Variants in ABAT observed in about 807,000 individuals in gnomAD.
ABAT encodes 4-aminobutyrate aminotransferase, mitochondrial.
A neutral mutation model predicts 64.6 loss-of-function variants in ABAT; 45 were observed. The ratio of observed to expected loss-of-function variants is 0.70; its 90% confidence interval spans 0.55 to 0.89. ABAT has a LOEUF of 0.89. Among genes scored for constraint, ABAT ranks in the 40% least tolerant of loss-of-function variants. The pLI, the probability that ABAT is intolerant of heterozygous loss-of-function variation, is 0.00. For missense variants in ABAT, 633 were observed against 658.4 expected (o/e 0.96, Z 0.42); for synonymous variants, 297 against 250.5 (o/e 1.19, Z -1.75).
At chr16:8,683,085 G>C (rs1288895756) in intron 1 of ABAT, among the ~76,000 whole-genome samples, 5 of 152,170 alleles carry the variant, frequency 3.3e-5, no homozygotes, top group African/African-American at 1.2e-4. Context: ...ACCTTTGCCT[G>C]ACGTTATCTC....
chr16:8,769,423 G>T (rs2060037928), intron 11 of ABAT, among the ~76,000 whole-genome samples: 1 of 152,052 alleles, frequency 6.6e-6, no homozygotes, highest in South Asian at 2.1e-4. Flanking sequence ...GCTGGGTGTG[G>T]TGGCACATGC....
intron 9 of ABAT, among the ~76,000 whole-genome samples, chr16:8,767,041 C>A (rs1402201104): frequency 6.6e-6 from 1 of 152,128 alleles, no homozygotes; most frequent in East Asian, 1.9e-4. Flanking sequence ...AGGGTTTTTC[C>A]CAGAGGTCTC....
intron 2 of ABAT, among the ~76,000 whole-genome samples, 192 bp from the exon 3 acceptor site, chr16:8,745,809 T>C (rs1449434078): frequency 6.6e-6 from 1 of 152,226 alleles, no homozygotes; most frequent in Non-Finnish European, 1.5e-5. Context: ...GGGTTTTCCC[T>C]TTTTTAAAAT....
At chr16:8,735,667 G>A (rs1425771927) in intron 1 of ABAT, 32 bp from the exon 2 acceptor site, 1 of 1,533,440 alleles carries the variant, frequency 6.5e-7, no homozygotes, top group Non-Finnish European at 8.8e-7. Context: ...TGGTCTTCAT[G>A]GGCCTAAGTC....
At chr16:8,692,530 C>G (rs1455108986) in intron 1 of ABAT, among the ~76,000 whole-genome samples, 1 of 152,106 alleles carries the variant, frequency 6.6e-6, no homozygotes, top group Admixed American at 6.6e-5. Context: ...AGACTCATAC[C>G]TTTTTTGCTA....
chr16:8,759,767 C>T (rs941491029), intron 6 of ABAT, among the ~76,000 whole-genome samples: 2 of 152,192 alleles, frequency 1.3e-5, no homozygotes, highest in Admixed American at 1.3e-4. Flanking sequence ...TGGTCTCGAA[C>T]TCCTGGGCTC....
At chr16:8,702,641 C>A (rs1244096961) in intron 1 of ABAT, among the ~76,000 whole-genome samples, 3 of 152,158 alleles carry the variant, frequency 2.0e-5, no homozygotes, top group African/African-American at 7.2e-5. Context: ...GAGAAGCCCA[C>A]CCCCATGATC....
At chr16:8,715,351 C>G (rs2058183598) in intron 1 of ABAT, 1 of 152,124 alleles carries the variant, frequency 6.6e-6, no homozygotes, top group Non-Finnish European at 1.5e-5. Context: ...GGCTCAGTGG[C>G]TCATACCTGT....
intron 1 of ABAT, among the ~76,000 whole-genome samples, chr16:8,693,501 C>T (rs2057632459): frequency 6.6e-6 from 1 of 152,206 alleles, no homozygotes; most frequent in African/African-American, 2.4e-5. Flanking sequence ...CTGAGTGTCG[C>T]TCTGTCACCC....
intron 1 of ABAT, among the ~76,000 whole-genome samples, chr16:8,723,906 T>C (rs985375755): frequency 7.2e-6 from 1 of 139,474 alleles, no homozygotes; most frequent in South Asian, 2.4e-4. Context: ...AGTGGCATGA[T>C]CTAGGCTCAC....
Position 8,768,847 on chromosome 16 carries a change from T to C in ABAT, c.690T>C (p.Ser230=). The change falls in exon 11 of 16, where the codon TCT becomes TCC. Residue 230 remains serine, a synonymous_variant. Transcript: ENST00000268251. ...CAGGTTGCTTAGCGACCACGCACTC[T>C]AAAGCCATTCACAAGATCGACATCC... is the stretch of plus-strand genomic sequence containing the variant. ...RTMGCLATTH[S]KAIHKIDIPS... 6.2e-7 allele frequency: 1 copy of C among 1,614,206 alleles called. No homozygotes were observed. The highest frequency in any genetic ancestry group is 8.5e-7 in the Non-Finnish European group (1 of 1,180,032).
intron 1 of ABAT, among the ~76,000 whole-genome samples, chr16:8,709,978 A>G (rs938210949): frequency 4.0e-5 from 6 of 151,804 alleles, no homozygotes; most frequent in Non-Finnish European, 5.9e-5. Flanking sequence ...TGATTTTTGT[A>G]TGTTTGTATT....
At chr16:8,756,253 A>T (rs1349577607) in intron 5 of ABAT, among the ~76,000 whole-genome samples, 1 of 152,166 alleles carries the variant, frequency 6.6e-6, no homozygotes, top group Admixed American at 6.5e-5. Context: ...TGGGAGCTTG[A>T]CTTGTTAGGG....
chr16:8,693,799 T>A (rs1251939301), intron 1 of ABAT, among the ~76,000 whole-genome samples: 1 of 151,988 alleles, frequency 6.6e-6, no homozygotes, highest in Non-Finnish European at 1.5e-5. Context: ...GCTTGGAGGG[T>A]TTTATTTTGT....
intron 2 of ABAT, among the ~76,000 whole-genome samples, chr16:8,742,059 G>A (rs1465318): frequency 0.93 from 141,823 of 152,290 alleles, 66,884 homozygotes; most frequent in East Asian, 1. Context: ...CATGATAGGA[G>A]CTGATACAGT....
At chr16:8,737,968 G>A (rs2059008528) in intron 2 of ABAT, among the ~76,000 whole-genome samples, 2 of 56,834 alleles carry the variant, frequency 3.5e-5, no homozygotes, top group African/African-American at 1.6e-4. Context: ...AAGGAAGGAA[G>A]GAAGGAAGGA....
At chr16:8,737,602 C>G (rs1403784982) in intron 2 of ABAT, 2 of 152,022 alleles carry the variant, frequency 1.3e-5, no homozygotes, top group African/African-American at 4.8e-5. Flanking sequence ...TAACATCTTA[C>G]ATCACCAAGA....
intron 12 of ABAT, 26 bp from the exon 13 acceptor site, chr16:8,774,864 C>T (rs934459888): frequency 6.2e-7 from 1 of 1,612,670 alleles, no homozygotes; most frequent in African/African-American, 1.3e-5. Flanking sequence ...GTGTTTATTT[C>T]TCCCTCCTCT....
intron 1 of ABAT, among the ~76,000 whole-genome samples, chr16:8,730,732 C>T (rs772608167): frequency 2.0e-4 from 31 of 152,166 alleles, no homozygotes; most frequent in Admixed American, 3.9e-4. Flanking sequence ...GAAAGGGCTG[C>T]GTCCCCAGGG....
Sources: allele counts gnomAD v4.1 joint callset (sites outside exome capture counted in the v4.1 genomes callset), GRCh38; gene constraint gnomAD v4.1.1; transcripts MANE v1.5; gene names NCBI Gene and HGNC (gene_info 2026-07-23, HGNC 2026-07-21).